The following TTC28 variants were observed in gnomAD, a reference collection of about 807,000 sequenced individuals.
TTC28 encodes tetratricopeptide repeat protein 28.
In TTC28, 61 loss-of-function variants were observed where a neutral mutation model predicts 198.0. The ratio of observed to expected loss-of-function variants is 0.31; its 90% confidence interval spans 0.25 to 0.38. The LOEUF is 0.38. TTC28 is among the 10% of genes least tolerant of loss of function. The pLI, the probability that TTC28 is intolerant of heterozygous loss-of-function variation, is 1.00. For synonymous variants in TTC28, 1,171 were observed against 1,297.8 expected (o/e 0.90, Z 2.10); for missense variants, 2,678 against 3,164.0 (o/e 0.85, Z 3.69).
chr22:28,075,013 A>G (rs920174946), intron 12 of TTC28, among the ~76,000 whole-genome samples: 1 of 152,168 alleles, frequency 6.6e-6, no homozygotes, highest in Non-Finnish European at 1.5e-5. Flanking sequence ...GCTTGAACTC[A>G]GGAGGCAGAG....
At chr22:28,584,518 A>G (rs553560596) in intron 2 of TTC28, among the ~76,000 whole-genome samples, 4 of 152,342 alleles carry the variant, frequency 2.6e-5, no homozygotes, top group African/African-American at 7.2e-5. Flanking sequence ...AAGATTCTAT[A>G]TCTAAGCTGA....
intron 2 of TTC28, among the ~76,000 whole-genome samples, chr22:28,567,479 C>CATATATAGATATATATAT (rs2049992485): frequency 2.0e-5 from 1 of 51,128 alleles, no homozygotes. Flanking sequence ...TACATACATA[C>CATATATAGATATATATAT]ATATATATAT....
intron 2 of TTC28, among the ~76,000 whole-genome samples, chr22:28,311,069 G>A (rs1033062305): frequency 3.9e-5 from 6 of 152,058 alleles, no homozygotes; most frequent in African/African-American, 7.2e-5. Flanking sequence ...ATGAGCCACC[G>A]TGCCTGGCCT....
At chr22:28,456,497 G>A (rs1258849889) in intron 2 of TTC28, among the ~76,000 whole-genome samples, 2 of 152,152 alleles carry the variant, frequency 1.3e-5, no homozygotes, top group African/African-American at 4.8e-5. Context: ...ATTCAAAAGG[G>A]TGTATGTGGT....
chr22:28,051,998 C>A (rs951113068), intron 12 of TTC28, among the ~76,000 whole-genome samples: 4 of 152,064 alleles, frequency 2.6e-5, no homozygotes, highest in Non-Finnish European at 2.9e-5. Flanking sequence ...TTTAAAAAAT[C>A]CAAGGCACAG....
intron 2 of TTC28, among the ~76,000 whole-genome samples, chr22:28,396,998 T>G (rs2046828991): frequency 6.6e-6 from 1 of 152,178 alleles, no homozygotes; most frequent in South Asian, 2.1e-4. Context: ...TGACACTGCT[T>G]TACACAGAGA....
chr22:28,134,615 G>T (rs561115586), intron 6 of TTC28, among the ~76,000 whole-genome samples: 62 of 152,252 alleles, frequency 4.1e-4, no homozygotes, highest in Admixed American at 9.8e-4. Flanking sequence ...AAGATCAAAT[G>T]AATGAAATGA....
chr22:28,363,403 C>T (rs1384275469), intron 2 of TTC28, among the ~76,000 whole-genome samples: 1 of 152,214 alleles, frequency 6.6e-6, no homozygotes, highest in African/African-American at 2.4e-5. Flanking sequence ...TATATGGAAA[C>T]ACCTGGATGC....
chr22:28,148,612 CAAAA>C (rs35433132), intron 6 of TTC28, among the ~76,000 whole-genome samples: 5 of 74,992 alleles, frequency 6.7e-5, no homozygotes, highest in African/African-American at 9.6e-5. Context: ...GACTCTGTCT[CAAAA>C]AAAAAAAAAA....
intron 2 of TTC28, among the ~76,000 whole-genome samples, chr22:28,343,511 C>G (rs2045863980): frequency 7.1e-6 from 1 of 140,912 alleles, no homozygotes. Context: ...GCCTGGGACA[C>G]AGAGTGAGAC....
chr22:28,335,863 T>G (rs2045707019), intron 2 of TTC28, among the ~76,000 whole-genome samples: 1 of 152,218 alleles, frequency 6.6e-6, no homozygotes, highest in South Asian at 2.1e-4. Context: ...TGGCCAGAAC[T>G]TCCAATACTA....
intron 1 of TTC28, among the ~76,000 whole-genome samples, chr22:28,653,792 CA>C (rs913766199): frequency 1.3e-5 from 2 of 152,212 alleles, no homozygotes; most frequent in African/African-American, 4.8e-5. Context: ...ATACATACCA[CA>C]AACCCTTTTC....
chr22:28,379,452 AG>A (rs1477685915), intron 2 of TTC28, among the ~76,000 whole-genome samples: 1 of 152,248 alleles, frequency 6.6e-6, no homozygotes, highest in Non-Finnish European at 1.5e-5. Context: ...TTCAAAAGAA[AG>A]GAAAATATGG....
chr22:28,210,312 T>G (rs923706639), intron 5 of TTC28, among the ~76,000 whole-genome samples: 8 of 152,220 alleles, frequency 5.3e-5, no homozygotes, highest in Middle Eastern at 3.4e-3. Context: ...TAGACAGAAG[T>G]AGGCTTCAGA....
intron 1 of TTC28, among the ~76,000 whole-genome samples, chr22:28,643,904 A>G (rs183021445): frequency 6.6e-6 from 1 of 152,304 alleles, no homozygotes; most frequent in Non-Finnish European, 1.5e-5. Context: ...ACTCTATAAG[A>G]TAGGTACTAT....
At chr22:28,503,119 G>A (rs2048558976) in intron 2 of TTC28, among the ~76,000 whole-genome samples, 1 of 152,128 alleles carries the variant, frequency 6.6e-6, no homozygotes, top group Non-Finnish European at 1.5e-5. Flanking sequence ...ACACCTGCCT[G>A]ATTTCAGTTT....
chr22:28,677,175 A>AAAAAAAAT (rs1555910210), intron 1 of TTC28, among the ~76,000 whole-genome samples: 1 of 69,484 alleles, frequency 1.4e-5, no homozygotes, highest in African/African-American at 7.4e-5. Context: ...AAAAAAAAAA[A>AAAAAAAAT]ATATATATAT....
chr22:28,150,197 G>C (rs1196174472), intron 6 of TTC28, among the ~76,000 whole-genome samples: 2 of 152,102 alleles, frequency 1.3e-5, no homozygotes, highest in Non-Finnish European at 2.9e-5. Flanking sequence ...GTTGAGGACA[G>C]CTATGTAACC....
intron 2 of TTC28, among the ~76,000 whole-genome samples, chr22:28,528,501 G>C (rs2049057117): frequency 6.6e-6 from 1 of 151,890 alleles, no homozygotes; most frequent in African/African-American, 2.4e-5. Flanking sequence ...AGGCCAAGAT[G>C]GGTGAACCAC....
Sources: allele counts gnomAD v4.1 joint callset (sites outside exome capture counted in the v4.1 genomes callset), GRCh38; gene constraint gnomAD v4.1.1; transcripts MANE v1.5; gene names NCBI Gene and HGNC (gene_info 2026-07-23, HGNC 2026-07-21).